Variants in NCMAP observed in about 807,000 individuals in gnomAD.
The protein encoded by NCMAP is noncompact myelin-associated protein.
A neutral mutation model predicts 7.8 loss-of-function variants in NCMAP; 8 were observed. That is an observed-to-expected ratio of 1.02 (90% confidence interval 0.60 to 1.84). NCMAP has a LOEUF of 1.84. Ranked by LOEUF, NCMAP falls within the 40% of genes most tolerant of loss-of-function variation. The pLI is 0.00. For missense variants in NCMAP, 112 were observed against 131.4 expected, an observed-to-expected ratio of 0.85 and a Z score of 0.72; for synonymous variants, 41 against 52.9, an observed-to-expected ratio of 0.78 and a Z score of 0.98.
chr1:24,573,969 A>AAAAAAAAAAAAAAC (rs1274825221), intron 1 of NCMAP, among the ~76,000 whole-genome samples: 12 of 136,862 alleles, frequency 8.8e-5, no homozygotes, highest in Middle Eastern at 3.6e-3. Flanking sequence ...AAAAAAAAAA[A>AAAAAAAAAAAAAAC]AACAGAAAAA....
intron 1 of NCMAP, among the ~76,000 whole-genome samples, chr1:24,587,764 C>T (rs978731856): frequency 2.0e-4 from 30 of 152,046 alleles, no homozygotes; most frequent in Non-Finnish European, 2.9e-4. Flanking sequence ...ACACCCACCT[C>T]GGCCTCCCAA....
intron 1 of NCMAP, among the ~76,000 whole-genome samples, chr1:24,566,880 C>T (rs1479434940): frequency 6.6e-6 from 1 of 152,116 alleles, no homozygotes; most frequent in African/African-American, 2.4e-5. Context: ...TCTGGAAATT[C>T]CAGTCCATAG....
At chr1:24,573,853 T>C (rs1421324810) in intron 1 of NCMAP, among the ~76,000 whole-genome samples, 1 of 147,628 alleles carries the variant, frequency 6.8e-6, no homozygotes, top group Non-Finnish European at 1.5e-5. Context: ...TGATGGTGTT[T>C]CCAGAGGAGA....
intron 1 of NCMAP, among the ~76,000 whole-genome samples, chr1:24,582,729 C>T (rs1651779013): frequency 6.6e-6 from 1 of 152,176 alleles, no homozygotes; most frequent in African/African-American, 2.4e-5. Flanking sequence ...GAATTCTGAC[C>T]TCTTAAACTG....
chr1:24,573,910 G>C (rs1651463717), intron 1 of NCMAP, among the ~76,000 whole-genome samples: 1 of 140,574 alleles, frequency 7.1e-6, no homozygotes, highest in Non-Finnish European at 1.5e-5. Context: ...TCCGCTCCCA[G>C]TGTGGGCGGC....
rs544409796 is a variant in NCMAP, at chr1:24,574,168, C to T, written c.-8+17999C>T. Among the ~76,000 whole-genome samples the T allele has an allele frequency of 9.4e-5, 14 of 149,652 alleles. 1 individual carries two copies. In the South Asian group the frequency reaches 2.3e-3, roughly 24 times the overall value. Reference sequence around the variant, plus strand: ...ACGGAGTCTTGCTCTGTTGCCCAGGCTGGAGTGCAGTGGAATCTTGGCTCA... The same window carrying T: ...ACGGAGTCTTGCTCTGTTGCCCAGGTTGGAGTGCAGTGGAATCTTGGCTCA... On this transcript the variant is annotated intron_variant, in intron 1 of 3. Coordinates refer to ENST00000374392, the MANE Select transcript of NCMAP (RefSeq NM_001010980.5).
chr1:24,569,953 A>T (rs145505322), intron 1 of NCMAP, among the ~76,000 whole-genome samples: 2 of 150,236 alleles, frequency 1.3e-5, no homozygotes, highest in African/African-American at 5.0e-5. Flanking sequence ...TCACTTAAAA[A>T]AAATTTTTTT....
chr1:24,560,327 G>A (rs12122463), intron 1 of NCMAP, among the ~76,000 whole-genome samples: 35,016 of 152,080 alleles, frequency 0.23, 4,267 homozygotes, highest in African/African-American at 0.28. Flanking sequence ...CACCTCTTCA[G>A]GGCTTGCTGA....
At chr1:24,583,717 G>GAAAA (rs71032830) in intron 1 of NCMAP, among the ~76,000 whole-genome samples, 8 of 104,046 alleles carry the variant, frequency 7.7e-5, no homozygotes, top group African/African-American at 1.8e-4. Context: ...CTCCGTCTCA[G>GAAAA]AAAAAAAAAA....
intron 1 of NCMAP, among the ~76,000 whole-genome samples, chr1:24,562,065 T>C (rs1463727144): frequency 6.6e-6 from 1 of 152,228 alleles, no homozygotes; most frequent in Non-Finnish European, 1.5e-5. Flanking sequence ...TTACCTCAAC[T>C]TTTTAAGATC....
At chr1:24,561,632 C>T (rs995319251) in intron 1 of NCMAP, among the ~76,000 whole-genome samples, 19 of 151,954 alleles carry the variant, frequency 1.3e-4, no homozygotes, top group African/African-American at 3.9e-4. Flanking sequence ...AGGGAGGGGC[C>T]GGGCGCGGTG....
chr1:24,564,566 G>A (rs913394208), intron 1 of NCMAP, among the ~76,000 whole-genome samples: 10 of 141,178 alleles, frequency 7.1e-5, no homozygotes, highest in African/African-American at 2.1e-4. Context: ...GAGAGTATAC[G>A]TATGATTCCC....
intron 1 of NCMAP, among the ~76,000 whole-genome samples, chr1:24,588,185 G>A (rs1293800282): frequency 2.6e-5 from 4 of 151,788 alleles, no homozygotes; most frequent in Non-Finnish European, 4.4e-5. Flanking sequence ...GGGCTCAAGC[G>A]AATCTCCCAC....
chr1:24,562,840 T>C (rs1357574966), intron 1 of NCMAP, among the ~76,000 whole-genome samples: 1 of 152,164 alleles, frequency 6.6e-6, no homozygotes, highest in Non-Finnish European at 1.5e-5. Flanking sequence ...CCTGCTTCTC[T>C]CTGGGAACTT....
intron 3 of NCMAP, among the ~76,000 whole-genome samples, chr1:24,604,505 T>C (rs1366145746): frequency 2.2e-5 from 3 of 137,852 alleles, no homozygotes; most frequent in African/African-American, 8.3e-5. Context: ...GAGCCTGGGA[T>C]GTTGAGGCTG....
intron 3 of NCMAP, among the ~76,000 whole-genome samples, chr1:24,602,213 A>G (rs1331641054): frequency 6.6e-6 from 1 of 152,174 alleles, no homozygotes; most frequent in Non-Finnish European, 1.5e-5. Context: ...AGGTCTTAAC[A>G]ACTGGTGTGT....
At chr1:24,603,802 A>AG (rs113086859) in intron 3 of NCMAP, among the ~76,000 whole-genome samples, 8,228 of 152,272 alleles carry the variant, frequency 0.054, 759 homozygotes, top group African/African-American at 0.19. Flanking sequence ...AGTAATAGAG[A>AG]GAAAAAAAGC....
At chr1:24,558,112 A>T (rs534493645) in intron 1 of NCMAP, among the ~76,000 whole-genome samples, 41 of 152,302 alleles carry the variant, frequency 2.7e-4, no homozygotes, top group African/African-American at 7.5e-4. Flanking sequence ...AATATGTGAG[A>T]AGCAAAGTTC....
At chr1:24,600,150 G>T (rs1233547397) in intron 2 of NCMAP, among the ~76,000 whole-genome samples, 2 of 148,544 alleles carry the variant, frequency 1.3e-5, no homozygotes, top group Non-Finnish European at 3.0e-5. Flanking sequence ...TTTTATTTAT[G>T]TATTTATTTT....
Sources: allele counts gnomAD v4.1 joint callset (sites outside exome capture counted in the v4.1 genomes callset), GRCh38; gene constraint gnomAD v4.1.1; transcripts MANE v1.5; gene names NCBI Gene and HGNC (gene_info 2026-07-23, HGNC 2026-07-21).